The following CHST8 variants were observed in gnomAD, a reference collection of about 807,000 sequenced individuals.
The protein encoded by CHST8 is GALNAC-4-ST1.
In CHST8, 10 loss-of-function variants were observed where a neutral mutation model predicts 15.0. That is an observed-to-expected ratio of 0.67 (90% CI 0.41 to 1.13). CHST8 has a LOEUF of 1.13. Ranked by LOEUF, CHST8 falls within the 50% of genes most tolerant of loss-of-function variation. CHST8 has a pLI of 0.00. For synonymous variants in CHST8, 259 were observed against 256.6 expected (o/e 1.01, Z -0.09); for missense variants, 634 against 608.2 (o/e 1.04, Z -0.45).
At chr19:33,738,328 C>A (rs1006871660) in intron 3 of CHST8, among the ~76,000 whole-genome samples, 2 of 152,188 alleles carry the variant, frequency 1.3e-5, no homozygotes, top group African/African-American at 4.8e-5. Context: ...AACAGGGGGA[C>A]TTTTGTCCTT....
intron 3 of CHST8, among the ~76,000 whole-genome samples, chr19:33,761,865 G>A (rs368758282): frequency 2.0e-5 from 3 of 152,018 alleles, no homozygotes; most frequent in African/African-American, 4.8e-5. Context: ...GTGGGGGAGG[G>A]AGAGAGGGAA....
intron 1 of CHST8, among the ~76,000 whole-genome samples, chr19:33,626,186 A>G (rs8112967): frequency 0.46 from 69,382 of 151,976 alleles, 16,279 homozygotes; most frequent in Middle Eastern, 0.57. Context: ...TCAGCATGGC[A>G]GATCGTGAGG....
intron 1 of CHST8, among the ~76,000 whole-genome samples, chr19:33,657,084 G>A (rs1480760480): frequency 1.3e-5 from 2 of 150,872 alleles, no homozygotes; most frequent in Non-Finnish European, 3.0e-5. Flanking sequence ...TTTTGATGGT[G>A]GATTTGTTAA....
intron 3 of CHST8, among the ~76,000 whole-genome samples, chr19:33,702,899 C>T (rs544851605): frequency 1.1e-4 from 16 of 152,314 alleles, no homozygotes; most frequent in South Asian, 6.2e-4. Context: ...GGGACTGCTC[C>T]GAGGGCCAGG....
intron 3 of CHST8, among the ~76,000 whole-genome samples, chr19:33,710,199 A>G (rs1599573060): frequency 6.6e-6 from 1 of 152,098 alleles, no homozygotes; most frequent in Admixed American, 6.6e-5. Flanking sequence ...TTCATTCATG[A>G]TGTTAGTAGT....
intron 1 of CHST8, among the ~76,000 whole-genome samples, chr19:33,651,517 C>T (rs1354520713): frequency 6.6e-6 from 1 of 152,028 alleles, no homozygotes; most frequent in Non-Finnish European, 1.5e-5. Flanking sequence ...TATAATATGG[C>T]TAATATTGAG....
At chr19:33,769,642 ATGGCAGGGGG>A (rs1234388433) in intron 3 of CHST8, among the ~76,000 whole-genome samples, 2 of 152,024 alleles carry the variant, frequency 1.3e-5, no homozygotes, top group East Asian at 1.9e-4. Flanking sequence ...GACTCTGGGC[ATGGCAGGGGG>A]TGGCAATGAG....
At chr19:33,635,256 G>T (rs1276084606) in intron 1 of CHST8, among the ~76,000 whole-genome samples, 1 of 152,144 alleles carries the variant, frequency 6.6e-6, no homozygotes, top group Non-Finnish European at 1.5e-5. Context: ...CATGAAGACC[G>T]TGGTGAAGCC....
intron 3 of CHST8, among the ~76,000 whole-genome samples, chr19:33,758,926 G>T (rs1285268614): frequency 2.6e-5 from 4 of 152,058 alleles, no homozygotes; most frequent in East Asian, 1.9e-4. Flanking sequence ...TCTTGGCGGG[G>T]GGGGGCGGTG....
chr19:33,740,054 A>G (rs948713932), intron 3 of CHST8, among the ~76,000 whole-genome samples: 1 of 152,184 alleles, frequency 6.6e-6, no homozygotes, highest in Non-Finnish European at 1.5e-5. Flanking sequence ...GGTACTTTAA[A>G]ATATTTTGTA....
chr19:33,632,805 A>G (rs903345497), intron 1 of CHST8, among the ~76,000 whole-genome samples: 18 of 151,252 alleles, frequency 1.2e-4, no homozygotes, highest in Admixed American at 6.6e-5. Flanking sequence ...GTCTCACTCT[A>G]TCGCCCAGGC....
At chr19:33,656,982 C>T (rs1225816329) in intron 1 of CHST8, among the ~76,000 whole-genome samples, 1 of 152,094 alleles carries the variant, frequency 6.6e-6, no homozygotes, top group Admixed American at 6.5e-5. Context: ...ATATCACACA[C>T]AGGCCTATGT....
intron 2 of CHST8, among the ~76,000 whole-genome samples, chr19:33,669,985 G>A (rs555038429): frequency 3.9e-5 from 6 of 152,286 alleles, no homozygotes; most frequent in African/African-American, 1.4e-4. Flanking sequence ...TCCATTAAGG[G>A]TGTTCCAGAA....
chr19:33,712,939 A>C (rs1168626929), intron 3 of CHST8, among the ~76,000 whole-genome samples: 1 of 152,138 alleles, frequency 6.6e-6, no homozygotes, highest in Non-Finnish European at 1.5e-5. Context: ...CAAAATCCAT[A>C]GCCCTGGGGC....
intron 1 of CHST8, among the ~76,000 whole-genome samples, chr19:33,650,508 T>TTTTTC (rs1203087209): frequency 1.5e-4 from 14 of 94,442 alleles, no homozygotes; most frequent in African/African-American, 6.1e-4. Flanking sequence ...TTTCTTTTTC[T>TTTTTC]TTTTCTTTTC....
intron 2 of CHST8, among the ~76,000 whole-genome samples, chr19:33,670,943 G>A (rs571038043): frequency 6.6e-6 from 1 of 152,334 alleles, no homozygotes; most frequent in East Asian, 1.9e-4. Flanking sequence ...GGCATGAAGA[G>A]GTTAAGTAGC....
intron 3 of CHST8, among the ~76,000 whole-genome samples, chr19:33,736,037 T>A (rs1303033068): frequency 6.6e-6 from 1 of 152,156 alleles, no homozygotes; most frequent in Non-Finnish European, 1.5e-5. Flanking sequence ...ATGCTAAGAA[T>A]CCATGGTGAC....
At chr19:33,758,929 G>A (rs1049520681) in intron 3 of CHST8, among the ~76,000 whole-genome samples, 16 of 152,144 alleles carry the variant, frequency 1.1e-4, no homozygotes, top group African/African-American at 3.6e-4. Context: ...TGGCGGGGGG[G>A]GGCGGTGCTC....
intron 1 of CHST8, among the ~76,000 whole-genome samples, chr19:33,648,773 C>G (rs776131627): frequency 6.6e-6 from 1 of 151,904 alleles, no homozygotes; most frequent in Non-Finnish European, 1.5e-5. Flanking sequence ...TACACAGCAG[C>G]TTTATTAATA....
Sources: allele counts gnomAD v4.1 joint callset (sites outside exome capture counted in the v4.1 genomes callset), GRCh38; gene constraint gnomAD v4.1.1; transcripts MANE v1.5; gene names NCBI Gene and HGNC (gene_info 2026-07-23, HGNC 2026-07-21).